The following NTN1 variants were observed in gnomAD, a reference collection of about 807,000 sequenced individuals.
NTN1 encodes netrin-1.
NTN1 carries 11 observed loss-of-function variants against 54.2 expected under a neutral mutation model. The ratio of observed to expected loss-of-function variants is 0.20; its 90% CI spans 0.13 to 0.34. NTN1 has a LOEUF of 0.34. NTN1 is among the 10% of genes least tolerant of loss of function. The probability of loss-of-function intolerance (pLI) is 1.00; values close to 1 mark genes in which losing one functional copy is unlikely to be tolerated. For synonymous variants in NTN1, 371 were observed against 382.0 expected, an observed-to-expected ratio of 0.97 and a Z score of 0.33; for missense variants, 740 against 893.1, an observed-to-expected ratio of 0.83 and a Z score of 2.18.
rs372941055 is a variant in NTN1, at chr17:9,239,702, A to G, written c.1549A>G (p.Ile517Val). 11 of 1,613,484 alleles carry G rather than the reference A, an allele frequency of 6.8e-6. No homozygotes were observed. Among genetic ancestry groups the G allele is most frequent in the Non-Finnish European group, 9.3e-6 (11 of 1,179,920 alleles). ...GGACTGGTGGAAGTTCACGGTGAAC[A>G]TCATCTCCGTGTATAAGCAGGGCAC... ...AGDWWKFTVNIISVYKQGTSR... is the reference protein window; with the variant it reads ...AGDWWKFTVNVISVYKQGTSR... Residue 517 changes from isoleucine (I) to valine (V), a missense_variant, in exon 7 of 7, where the codon ATC becomes GTC. By Grantham distance (29) the Ile-to-Val change is conservative. Transcript: ENST00000173229. This position sits in a 1 kb window ranked among gnomAD's most constrained non-coding sequence, Gnocchi z 5.2.
chr17:9,201,352 C>T (rs1216291327), intron 5 of NTN1, among the ~76,000 whole-genome samples: 1 of 152,156 alleles, frequency 6.6e-6, no homozygotes, highest in African/African-American at 2.4e-5. Flanking sequence ...CTGTGTGGCT[C>T]AAGGTTTTGG....
chr17:9,120,584 G>T (rs563373930), intron 2 of NTN1, among the ~76,000 whole-genome samples: 2 of 152,290 alleles, frequency 1.3e-5, no homozygotes, highest in African/African-American at 2.4e-5. Context: ...CTATGGTGGG[G>T]TGCACCTGCT....
At chr17:9,072,305 A>C (rs2142216428) in intron 2 of NTN1, among the ~76,000 whole-genome samples, 1 of 145,550 alleles carries the variant, frequency 6.9e-6, no homozygotes, top group Non-Finnish European at 1.5e-5. Context: ...GCCAAGAAGG[A>C]CCATTGTTCG....
At chr17:9,094,466 G>T (rs2092123565) in intron 2 of NTN1, among the ~76,000 whole-genome samples, 1 of 151,940 alleles carries the variant, frequency 6.6e-6, no homozygotes, top group South Asian at 2.1e-4. Context: ...AATATAATAT[G>T]TACATATAAA....
At chr17:9,064,728 C>G (rs768227955) in intron 2 of NTN1, among the ~76,000 whole-genome samples, 5 of 152,208 alleles carry the variant, frequency 3.3e-5, no homozygotes, top group Non-Finnish European at 7.3e-5. Context: ...CCTGCTTCCA[C>G]TAGCTCCTCA....
At position 9,221,393 on chromosome 17, in the gene NTN1, A is replaced by G. The variant is rs556190676; in HGVS notation, c.1486+151A>G. On this transcript the variant is annotated intron_variant, in intron 6 of 6. Coordinates refer to ENST00000173229, the MANE Select transcript of NTN1 (RefSeq NM_004822.3). The surrounding 1 kb of genome is among the most constrained non-coding windows in gnomAD (Gnocchi z 4.5). Reference sequence around the variant, plus strand: ...TAGCCGGACGGATCCCACGCCTGGGAATTTCTCATCTTTTCCTCCTTGGCC... The same window carrying G: ...TAGCCGGACGGATCCCACGCCTGGGGATTTCTCATCTTTTCCTCCTTGGCC... 23 of 665,776 alleles carry G rather than the reference A, an allele frequency of 3.5e-5. No homozygotes were observed. Among genetic ancestry groups the G allele is most frequent in the African/African-American group, 3.0e-4 (17 of 55,916 alleles). 41.2% of individuals were successfully genotyped at this position (665,776 alleles called of 1,614,324 possible). A position where few individuals can be genotyped will look rare whatever the true frequency, so the allele number is the denominator to read the frequency against.
At chr17:9,103,451 A>T (rs1425302105) in intron 2 of NTN1, among the ~76,000 whole-genome samples, 1 of 152,092 alleles carries the variant, frequency 6.6e-6, no homozygotes, top group South Asian at 2.1e-4. Flanking sequence ...TTCTCATGAT[A>T]GTGAGTGAGT....
chr17:9,214,007 CTTTTT>C (rs564944671), intron 5 of NTN1, among the ~76,000 whole-genome samples: 10 of 147,110 alleles, frequency 6.8e-5, no homozygotes, highest in African/African-American at 2.0e-4. Flanking sequence ...AGTGTTTTGT[CTTTTT>C]TTTTTCTTTT....
rs1446761211 is a variant in NTN1 at position 9,239,377 on chromosome 17, G to C, written c.1487-263G>C. On this transcript the variant is annotated intron_variant, in intron 6 of 6. Coordinates refer to ENST00000173229, the MANE Select transcript of NTN1 (RefSeq NM_004822.3). The surrounding 1 kb of genome is among the most constrained non-coding windows in gnomAD (Gnocchi z 5.2). ...CCTGTAGGCTTCCTGGACAAAGTGG[G>C]CCTTGACAAGGCCAGGAGATGGCTT... is the stretch of plus-strand genomic sequence containing the variant. Among the ~76,000 whole-genome samples the C allele has an allele frequency of 6.6e-6, 1 of 152,172 alleles. No homozygotes were observed. The highest frequency in any genetic ancestry group is 1.5e-5 in the Non-Finnish European group (1 of 68,034).
intron 2 of NTN1, among the ~76,000 whole-genome samples, chr17:9,094,772 C>T (rs1209887858): frequency 2.0e-5 from 3 of 152,130 alleles, no homozygotes; most frequent in East Asian, 3.9e-4. Context: ...AGGCGGATCA[C>T]GAGGTCAGGA....
intron 5 of NTN1, among the ~76,000 whole-genome samples, chr17:9,210,905 GAAAAAAAAAAAAAAAAA>G (rs58541910): frequency 2.6e-4 from 6 of 23,486 alleles, no homozygotes; most frequent in Admixed American, 1.8e-3. Flanking sequence ...GACTCCATCT[GAAAAAAAAAAAAAAAAA>G]AAAAAAAAAA....
At chr17:9,021,187 C>A (rs2091845497), upstream of NTN1, among the ~76,000 whole-genome samples, 1 of 151,758 alleles carries the variant, frequency 6.6e-6, no homozygotes, top group African/African-American at 2.4e-5. Context: ...GCTCTCCGGG[C>A]GGCGCGGGGC....
rs148952116 is a variant in NTN1 at position 9,203,632 on chromosome 17, C to G, written c.1412-17536C>G. 4.9e-3 allele frequency among the ~76,000 whole-genome samples: 750 copies of G among 151,922 alleles called. 8 individuals carry two copies. Among genetic ancestry groups the G allele is most frequent in the African/African-American group, 0.017 (713 of 41,408 alleles). The stretch of plus-strand genomic sequence containing the variant: ...TGGCCAACATGGTGAAACCCTGTTT[C>G]TACTAAAAAATACAAAAAAAATTAG... On this transcript the variant is annotated intron_variant, in intron 5 of 6. Coordinates refer to ENST00000173229, the MANE Select transcript of NTN1 (RefSeq NM_004822.3).
intron 6 of NTN1, among the ~76,000 whole-genome samples, chr17:9,222,028 G>C (rs543667691): frequency 6.6e-6 from 1 of 152,310 alleles, no homozygotes; most frequent in Admixed American, 6.5e-5. Context: ...CACTGGCAAG[G>C]CCCCCGCATA....
intron 5 of NTN1, among the ~76,000 whole-genome samples, chr17:9,220,510 C>G (rs1365436724): frequency 6.6e-6 from 1 of 152,082 alleles, no homozygotes; most frequent in African/African-American, 2.4e-5. Context: ...CCCTGGTGCC[C>G]TCCACATCCT....
At chr17:9,174,324 G>C (rs1348263926) in intron 3 of NTN1, 2 of 152,340 alleles carry the variant, frequency 1.3e-5, no homozygotes, top group Admixed American at 6.5e-5. Context: ...TGGAGTGGTG[G>C]GGCAGTCTTC....
chr17:9,235,384 A>G (rs1167234428), intron 6 of NTN1, among the ~76,000 whole-genome samples: 1 of 152,054 alleles, frequency 6.6e-6, no homozygotes, highest in African/African-American at 2.4e-5. Context: ...GATCCTCAGC[A>G]GAGCCCCCCT....
chr17:9,206,542 C>T (rs1311866102), intron 5 of NTN1, among the ~76,000 whole-genome samples: 1 of 152,132 alleles, frequency 6.6e-6, no homozygotes, highest in East Asian at 1.9e-4. Flanking sequence ...CCCAGAAGTC[C>T]ACCCCAGCGT....
At chr17:9,171,066 G>A (rs1169379708) in intron 3 of NTN1, 1 of 152,218 alleles carries the variant, frequency 6.6e-6, no homozygotes, top group African/African-American at 2.4e-5. Flanking sequence ...GCAGGGAAAG[G>A]ATAGGTTGTG....
Sources: gnomAD v4.1 joint callset for allele counts (sites outside exome capture counted in the v4.1 genomes callset) on GRCh38, gnomAD v4.1.1 for gene constraint, Gnocchi (gnomAD v3.1) non-coding constraint, MANE v1.5 for transcripts, NCBI Gene and HGNC (gene_info 2026-07-23, HGNC 2026-07-21) for gene names.